Variants in ZDHHC16 observed in about 807,000 individuals in gnomAD.
ZDHHC16 encodes palmitoyltransferase ZDHHC16.
ZDHHC16 carries 33 observed loss-of-function variants against 54.4 expected under a neutral mutation model. The ratio of observed to expected loss-of-function variants is 0.61; its 90% CI spans 0.46 to 0.81. The LOEUF (loss-of-function observed/expected upper bound fraction) is 0.81. ZDHHC16 is among the 30% of genes least tolerant of loss of function. The pLI, the probability that ZDHHC16 is intolerant of heterozygous loss-of-function variation, is 0.00. For synonymous variants in ZDHHC16, 185 were observed against 182.1 expected, an observed-to-expected ratio of 1.02 and a Z score of -0.13; for missense variants, 420 against 485.9, an observed-to-expected ratio of 0.86 and a Z score of 1.28.
intron 11 of ZDHHC16, 127 bp downstream of exon 11, chr10:97,456,171 T>G: frequency 2.1e-6 from 2 of 964,984 alleles, no homozygotes; most frequent in Non-Finnish European, 3.1e-6. Context: ...ACTCTAGGAA[T>G]AGAGATCATT....
Position 97,451,751 on chromosome 10 carries a change from C to T in ZDHHC16, c.76C>T (p.Arg26Cys), listed in dbSNP as rs773092376. 68 of 1,613,880 alleles carry T rather than the reference C, an allele frequency of 4.2e-5. No individual in the cohort carries two copies. In the Middle Eastern group the frequency reaches 5.1e-4, roughly 12 times the overall value. The change falls in exon 3 of 12, where the codon CGC (arginine) becomes TGC (cysteine). Residue 26 changes from arginine to cysteine, a missense_variant. Physicochemically the swap from Arg to Cys is radical, Grantham distance 180. Coordinates refer to ENST00000393760, the MANE Select transcript of ZDHHC16 (RefSeq NM_198046.3). ...LRLLLLLGYR[R>C]RCPPLLRGLV... Reference sequence around the variant, plus strand: ...CCTCCTTCTGCTGCTGGGTTACAGGCGCCGCTGTCCACCTCTACTCCGGGG... The same window carrying T: ...CCTCCTTCTGCTGCTGGGTTACAGGTGCCGCTGTCCACCTCTACTCCGGGG...
chr10:97,446,195 G>A lies in ZDHHC16; in HGVS notation c.-344G>A, dbSNP rs974778804. 24 of 702,400 alleles carry A rather than the reference G, an allele frequency of 3.4e-5. No individual in the cohort carries two copies. In the Admixed American group the frequency reaches 3.7e-4, roughly 11 times the overall value. The allele number at this position is 702,400 out of a possible 1,614,324, so 43.5% of individuals were successfully genotyped here. A position where few individuals can be genotyped will look rare whatever the true frequency, so the allele number is the denominator to read the frequency against. ...CGCGTGTGGTTGAGGATGGGCTGGCGGCGGGTCCGGGTCCGCTGCCTGGCG... is the reference window on the plus strand; with the variant it reads ...CGCGTGTGGTTGAGGATGGGCTGGCAGCGGGTCCGGGTCCGCTGCCTGGCG... On this transcript the variant is annotated 5_prime_UTR_variant, in exon 1 of 12. Transcript: ENST00000393760.
chr10:97,448,548 G>C (rs1846309371), intron 1 of ZDHHC16, among the ~76,000 whole-genome samples: 1 of 152,182 alleles, frequency 6.6e-6, no homozygotes, highest in South Asian at 2.1e-4. Context: ...CCTGAGGTCA[G>C]GAGTTCAAGA....
chr10:97,454,751 G>A lies in ZDHHC16; in HGVS notation c.776G>A (p.Arg259Gln), dbSNP rs368172635. The A allele has an allele frequency of 1.0e-4, 163 of 1,614,084 alleles. No individual in the cohort carries two copies. The highest frequency in any genetic ancestry group is 3.0e-4 in the Admixed American group (18 of 60,018). Residue 259 changes from arginine (R) to glutamine (Q), a missense_variant, in exon 9 of 12, where the codon CGA becomes CAA. By Grantham distance (43) the Arg-to-Gln change is conservative. Transcript: ENST00000393760. ...HQTPPPTFSFRERMTHKSLVY... is the reference protein window; with the variant it reads ...HQTPPPTFSFQERMTHKSLVY... ...ACCCCACCACCCACCTTCTCCTTTCGAGAAAGGATGACTCACAAGAGTCTT... is the reference window on the plus strand; with the variant it reads ...ACCCCACCACCCACCTTCTCCTTTCAAGAAAGGATGACTCACAAGAGTCTT...
At chr10:97,448,151 AT>A (rs1252169823) in intron 1 of ZDHHC16, 1 of 152,194 alleles carries the variant, frequency 6.6e-6, no homozygotes, top group Non-Finnish European at 1.5e-5. Flanking sequence ...AAGTGCCATG[AT>A]TTTAATAACA....
At position 97,451,757 on chromosome 10, in the gene ZDHHC16, T is replaced by C. The variant is rs774053911; in HGVS notation, c.82T>C (p.Cys28Arg). ...LLLLLGYRRRCPPLLRGLVQR... is the reference protein window; with the variant it reads ...LLLLLGYRRRRPPLLRGLVQR... ...TCTGCTGCTGGGTTACAGGCGCCGC[T>C]GTCCACCTCTACTCCGGGGTCTAGT... is the stretch of plus-strand genomic sequence containing the variant. Residue 28 changes from cysteine to arginine, a missense_variant, in exon 3 of 12, where the codon TGT becomes CGT. By Grantham distance (180) the Cys-to-Arg change is radical. Coordinates refer to ENST00000393760, the MANE Select transcript of ZDHHC16 (RefSeq NM_198046.3). 10 of 1,613,900 alleles carry C rather than the reference T, an allele frequency of 6.2e-6. No individual in the cohort carries two copies. In the South Asian group the frequency reaches 7.7e-5, roughly 12 times the overall value.
intron 9 of ZDHHC16, 134 bp downstream of exon 9, chr10:97,454,933 G>T: frequency 1.4e-6 from 1 of 732,314 alleles, no homozygotes. Context: ...CAGAGAGCCA[G>T]CACTTTCTTC....
At chr10:97,454,910 TAA>T (rs1847021318) in intron 9 of ZDHHC16, 111 bp downstream of exon 9, 2 of 893,834 alleles carry the variant, frequency 2.2e-6, no homozygotes, top group Admixed American at 4.2e-5. Context: ...TGCTCTAGTC[TAA>T]CTTAGGTTGG....
rs146336968 is a variant in ZDHHC16, at chr10:97,452,110, C to G, written c.264C>G (p.Ile88Met). The G allele has an allele frequency of 1.9e-6, 3 of 1,613,862 alleles. No individual in the cohort carries two copies. Among genetic ancestry groups the G allele is most frequent in the Non-Finnish European group, 2.5e-6 (3 of 1,180,024 alleles). The part of the protein sequence containing the change: ...WFGVVFVVLV[I>M]VLTGSIVAIA... ...GGCAGGTGTTCGTGGTCCTGGTGATCGTGCTGACAGGCTCCATTGTAGCTA... is the reference window on the plus strand; with the variant it reads ...GGCAGGTGTTCGTGGTCCTGGTGATGGTGCTGACAGGCTCCATTGTAGCTA... The change falls in exon 4 of 12, where the codon ATC (isoleucine) becomes ATG (methionine). Residue 88 changes from isoleucine (I) to methionine (M), a missense_variant. Physicochemically the swap from Ile to Met is conservative, Grantham distance 10. Coordinates refer to ENST00000393760, the MANE Select transcript of ZDHHC16 (RefSeq NM_198046.3).
intron 6 of ZDHHC16, 29 bp downstream of exon 6, chr10:97,452,952 G>T (rs779294090): frequency 1.2e-6 from 2 of 1,614,046 alleles, no homozygotes; most frequent in Non-Finnish European, 1.7e-6. Context: ...TTCTGCCTGA[G>T]GCCTTCTTTA....
rs984025502 is a variant in ZDHHC16 at position 97,453,865 on chromosome 10, A to C, written c.738+19A>C. Reference sequence around the variant, plus strand: ...CAACCAGGTGGGCTGTCCCCACCCCACTGCCTCCTGCTGCTCAGGCCTGGG... The same window carrying C: ...CAACCAGGTGGGCTGTCCCCACCCCCCTGCCTCCTGCTGCTCAGGCCTGGG... On this transcript the variant is annotated intron_variant, in intron 8 of 11. Coordinates refer to ENST00000393760, the MANE Select transcript of ZDHHC16 (RefSeq NM_198046.3). 6.2e-7 allele frequency: 1 copy of C among 1,614,062 alleles called. No individual in the cohort carries two copies. The highest frequency in any genetic ancestry group is 8.5e-7 in the Non-Finnish European group (1 of 1,179,998).
chr10:97,456,071 T>C (rs1465567582), intron 11 of ZDHHC16, 27 bp downstream of exon 11: 6 of 1,609,330 alleles, frequency 3.7e-6, no homozygotes, highest in Non-Finnish European at 5.1e-6. Context: ...AGACTAATGC[T>C]GTCCAACAGA....
chr10:97,456,258 G>C (rs1400613412), intron 11 of ZDHHC16: 3 of 531,254 alleles, frequency 5.6e-6, no homozygotes, highest in African/African-American at 3.8e-5. Context: ...CGTGACTACA[G>C]TGGAATCCTA....
intron 1 of ZDHHC16, among the ~76,000 whole-genome samples, chr10:97,449,951 A>C (rs1236167596): frequency 7.4e-6 from 1 of 134,606 alleles, no homozygotes; most frequent in East Asian, 2.1e-4. Flanking sequence ...GGCTCACTGC[A>C]AGCTCCGCTT....
chr10:97,450,615 G>C (rs1218145543), intron 2 of ZDHHC16, 79 bp downstream of exon 2: 1 of 152,258 alleles, frequency 6.6e-6, no homozygotes, highest in African/African-American at 2.4e-5. Flanking sequence ...TAGCGCATCT[G>C]TGTCTTCTGT....
At chr10:97,449,888 GGAGTC>G (rs1162730426) in intron 1 of ZDHHC16, among the ~76,000 whole-genome samples, 1 of 78,398 alleles carries the variant, frequency 1.3e-5, no homozygotes, top group East Asian at 2.9e-4. Context: ...TTTTTGAGAC[GGAGTC>G]TCGCTCTGTC....
rs530156510 is a variant in ZDHHC16 at position 97,457,059 on chromosome 10, G to A, written c.*168G>A. 6.2e-5 allele frequency: 28 copies of A among 448,864 alleles called. No individual in the cohort carries two copies. Among genetic ancestry groups the A allele is most frequent in the African/African-American group, 5.0e-4 (25 of 50,344 alleles). The allele number at this position is 448,864 out of a possible 1,614,324, so 27.8% of individuals were successfully genotyped here. On this transcript the variant is annotated 3_prime_UTR_variant, in exon 12 of 12. Coordinates refer to ENST00000393760, the MANE Select transcript of ZDHHC16 (RefSeq NM_198046.3). ...GACCAGCCTTTTTACCACTGCAGAA[G>A]AAAGACACAATGTGGAGAAATCTTA...
intron 1 of ZDHHC16, among the ~76,000 whole-genome samples, chr10:97,448,855 T>G (rs1846341912): frequency 6.6e-6 from 1 of 152,222 alleles, no homozygotes; most frequent in South Asian, 2.1e-4. Context: ...AAGATACGTA[T>G]AGGTTATATG....
intron 3 of ZDHHC16, 51 bp downstream of exon 3, chr10:97,451,969 A>G (rs778741069): frequency 1.3e-5 from 21 of 1,591,012 alleles, no homozygotes; most frequent in Non-Finnish European, 1.8e-5. Flanking sequence ...GAGCAGAGGG[A>G]CATGTCTCTC....
Sources: allele counts gnomAD v4.1 joint callset (sites outside exome capture counted in the v4.1 genomes callset), GRCh38; gene constraint gnomAD v4.1.1; transcripts MANE v1.5; gene names NCBI Gene and HGNC (gene_info 2026-07-23, HGNC 2026-07-21).